SHISA9: variants seen among roughly 807,000 people sequenced by gnomAD.
SHISA9 encodes protein shisa-9.
In SHISA9, 13 loss-of-function variants were observed where a neutral mutation model predicts 38.0. That is an observed-to-expected ratio of 0.34 (90% CI 0.22 to 0.54). The LOEUF (loss-of-function observed/expected upper bound fraction) is 0.54. Among genes scored for constraint, SHISA9 ranks in the 20% least tolerant of loss-of-function variants. SHISA9 has a pLI of 0.91. For synonymous variants in SHISA9, 275 were observed against 242.0 expected (o/e 1.14, Z -1.27); for missense variants, 538 against 575.8 (o/e 0.93, Z 0.67).
intron 4 of SHISA9, among the ~76,000 whole-genome samples, chr16:13,225,188 C>G (rs1039165393): frequency 2.6e-5 from 4 of 152,254 alleles, no homozygotes; most frequent in Admixed American, 2.6e-4. Context: ...CAAGAGATGC[C>G]AAGGATTGCC....
chr16:13,289,676 AAG>A, the SHISA9 span, among the ~76,000 whole-genome samples: 18 of 149,958 alleles, frequency 1.2e-4, no homozygotes, highest in Non-Finnish European at 7.4e-5. Flanking sequence ...GAGAGAGAGA[AAG>A]AGAGAGAGAG....
chr16:12,988,453 A>G (rs1009644375), intron 2 of SHISA9, among the ~76,000 whole-genome samples: 2 of 152,158 alleles, frequency 1.3e-5, no homozygotes, highest in African/African-American at 4.8e-5. Context: ...GTCTCTCCCC[A>G]GAGAAAATGG....
At chr16:13,012,911 C>T (rs754672331) in intron 2 of SHISA9, among the ~76,000 whole-genome samples, 20 of 152,118 alleles carry the variant, frequency 1.3e-4, no homozygotes, top group Non-Finnish European at 2.6e-4. Context: ...AGCCTCTGTG[C>T]TTGCCATCTC....
At chr16:13,165,781 A>G (rs966755839) in intron 2 of SHISA9, among the ~76,000 whole-genome samples, 2 of 152,154 alleles carry the variant, frequency 1.3e-5, no homozygotes, top group African/African-American at 2.4e-5. Flanking sequence ...ATTTATTAAG[A>G]TTAATTTACT....
chr16:13,409,501 C>T, the SHISA9 span, among the ~76,000 whole-genome samples: 1 of 152,254 alleles, frequency 6.6e-6, no homozygotes, highest in Non-Finnish European at 1.5e-5. Context: ...GCATGCTCCA[C>T]CTCCTGTAAC....
the SHISA9 span, among the ~76,000 whole-genome samples, chr16:13,316,034 A>C: frequency 2.0e-5 from 3 of 151,176 alleles, no homozygotes; most frequent in Admixed American, 2.0e-4. Context: ...AAAGAGAGAG[A>C]GCTTCAGATG....
chr16:13,102,898 T>C (rs1211332264), intron 2 of SHISA9, among the ~76,000 whole-genome samples: 2 of 152,220 alleles, frequency 1.3e-5, no homozygotes, highest in Non-Finnish European at 2.9e-5. Context: ...TTCCAGACTT[T>C]TCATTCAGAA....
the SHISA9 span, among the ~76,000 whole-genome samples, chr16:13,344,454 A>G: frequency 6.6e-6 from 1 of 151,252 alleles, no homozygotes; most frequent in South Asian, 2.1e-4. Flanking sequence ...TTCCTCCTCT[A>G]TGCCCTTTTC....
chr16:13,309,757 G>C, the SHISA9 span, among the ~76,000 whole-genome samples: 1 of 151,754 alleles, frequency 6.6e-6, no homozygotes, highest in Non-Finnish European at 1.5e-5. Context: ...AGAAAGCTAA[G>C]ATTCTAGATA....
At chr16:13,033,247 G>A (rs942698539) in intron 2 of SHISA9, among the ~76,000 whole-genome samples, 5 of 152,170 alleles carry the variant, frequency 3.3e-5, no homozygotes, top group African/African-American at 1.2e-4. Context: ...CAATTAGGGT[G>A]AAAATGGACT....
chr16:13,246,641 A>C, the SHISA9 span, among the ~76,000 whole-genome samples: 3 of 152,184 alleles, frequency 2.0e-5, no homozygotes, highest in Non-Finnish European at 2.9e-5. Flanking sequence ...TCTGAGCCTC[A>C]GTCAGCATGA....
the SHISA9 span, among the ~76,000 whole-genome samples, chr16:13,549,157 T>C: frequency 6.6e-6 from 1 of 152,166 alleles, no homozygotes; most frequent in Non-Finnish European, 1.5e-5. Flanking sequence ...TGTAGAATGT[T>C]AAAATGCTGA....
rs138447598 is a variant in SHISA9 at position 13,076,489 on chromosome 16, C to T, written c.692-126905C>T. ...CACTTCCCCCTGCTCCCTCCTTTCC[C>T]CCACCCTCTGTCTTGCACACACCCA... is the stretch of plus-strand genomic sequence containing the variant. On this transcript the variant is annotated intron_variant, in intron 2 of 4. Transcript: ENST00000558583. Among the ~76,000 whole-genome samples, 2 of 152,234 alleles carry T rather than the reference C, an allele frequency of 1.3e-5. 1 individual carries two copies. Among genetic ancestry groups the T allele is most frequent in the East Asian group, 3.9e-4 (2 of 5,182 alleles).
At chr16:13,210,733 T>TA (rs1319524099) in intron 3 of SHISA9, among the ~76,000 whole-genome samples, 1 of 151,994 alleles carries the variant, frequency 6.6e-6, no homozygotes, top group African/African-American at 2.4e-5. Flanking sequence ...GAGGCATCAG[T>TA]ACCCCCCGTT....
the SHISA9 span, among the ~76,000 whole-genome samples, chr16:13,472,347 T>A: frequency 6.6e-6 from 1 of 151,064 alleles, no homozygotes; most frequent in African/African-American, 2.4e-5. Flanking sequence ...AATTCATCCC[T>A]TCATTTAGAG....
chr16:13,144,342 A>C (rs1418858679), intron 2 of SHISA9, among the ~76,000 whole-genome samples: 1 of 151,956 alleles, frequency 6.6e-6, no homozygotes, highest in African/African-American at 2.4e-5. Context: ...TAGTAGAGAC[A>C]GGGTTTCACC....
rs148546099 is a variant in SHISA9 at position 13,100,051 on chromosome 16, C to T, written c.692-103343C>T. Among the ~76,000 whole-genome samples the T allele has an allele frequency of 9.5e-3, 1,441 of 152,286 alleles. 27 individuals carry two copies. Among genetic ancestry groups the T allele is most frequent in the African/African-American group, 0.033 (1,357 of 41,554 alleles). On this transcript the variant is annotated intron_variant, in intron 2 of 4. Coordinates refer to ENST00000558583, the MANE Select transcript of SHISA9 (RefSeq NM_001145204.3). The stretch of plus-strand genomic sequence containing the variant: ...GGACTGTAGCAAAGTGAGGGACACA[C>T]GGCCCTTTCAGGAGACCACTCTTTA...
the SHISA9 span, among the ~76,000 whole-genome samples, chr16:13,319,117 C>T: frequency 6.6e-6 from 1 of 152,238 alleles, no homozygotes; most frequent in African/African-American, 2.4e-5. Context: ...AAGTGATTCT[C>T]CTGCCTCAGC....
chr16:13,430,670 C>G, the SHISA9 span, among the ~76,000 whole-genome samples: 1 of 151,754 alleles, frequency 6.6e-6, no homozygotes, highest in Admixed American at 6.6e-5. Context: ...TTTTGAGAGT[C>G]TAAGGTAGGA....
Sources: gnomAD v4.1 joint callset for allele counts (sites outside exome capture counted in the v4.1 genomes callset) on GRCh38, gnomAD v4.1.1 for gene constraint, MANE v1.5 for transcripts, NCBI Gene and HGNC (gene_info 2026-07-23, HGNC 2026-07-21) for gene names.